EFNA5: variants seen among roughly 807,000 people sequenced by gnomAD.
EFNA5 encodes the protein ephrin-A5.
A neutral mutation model predicts 22.9 loss-of-function variants in EFNA5; 5 were observed. The observed-to-expected ratio is 0.22, with a 90% CI of 0.11 to 0.46. EFNA5 has a LOEUF of 0.46. Ranked by LOEUF, EFNA5 falls within the 20% of genes least tolerant of loss-of-function variation. EFNA5 has a pLI of 0.99. For missense variants in EFNA5, 237 were observed against 293.3 expected, an observed-to-expected ratio of 0.81 and a Z score of 1.40; for synonymous variants, 113 against 112.2, an observed-to-expected ratio of 1.01 and a Z score of -0.04.
intron 1 of EFNA5, among the ~76,000 whole-genome samples, chr5:107,628,075 A>G (rs775547506): frequency 6.6e-5 from 10 of 152,202 alleles, no homozygotes; most frequent in Non-Finnish European, 1.5e-4. Context: ...TTCACATATA[A>G]TAACTCAATG....
intron 1 of EFNA5, among the ~76,000 whole-genome samples, chr5:107,465,770 C>T (rs1192301937): frequency 6.6e-6 from 1 of 151,934 alleles, no homozygotes; most frequent in Non-Finnish European, 1.5e-5. Flanking sequence ...GCCATGGTGT[C>T]TTAGTATATC....
chr5:107,668,006 C>T (rs1386654400), intron 1 of EFNA5, among the ~76,000 whole-genome samples: 2 of 152,168 alleles, frequency 1.3e-5, no homozygotes, highest in African/African-American at 4.8e-5. Context: ...AGAGCAACAT[C>T]TTATTCAACA....
At position 107,637,640 on chromosome 5, in the gene EFNA5, T is replaced by C. The variant is rs572180971; in HGVS notation, c.125+32849A>G. ...AAATAAAAGATACATATAGTGTATG[T>C]GTGTGTGTATATATACATAAACTGA... On this transcript the variant is annotated intron_variant, in intron 1 of 4. Coordinates refer to ENST00000333274, the MANE Select transcript of EFNA5 (RefSeq NM_001962.3). 3.0e-3 allele frequency among the ~76,000 whole-genome samples: 450 copies of C among 150,194 alleles called. 2 individuals carry two copies. Among genetic ancestry groups the C allele is most frequent in the Non-Finnish European group, 5.0e-3 (340 of 67,620 alleles).
chr5:107,597,747 C>T (rs566164258), intron 1 of EFNA5, among the ~76,000 whole-genome samples: 1 of 152,170 alleles, frequency 6.6e-6, no homozygotes, highest in South Asian at 2.1e-4. Flanking sequence ...TTTCAACAGA[C>T]CGTGAACCAG....
At chr5:107,648,834 G>C (rs1750676474) in intron 1 of EFNA5, among the ~76,000 whole-genome samples, 1 of 152,050 alleles carries the variant, frequency 6.6e-6, no homozygotes, top group South Asian at 2.1e-4. Context: ...AGTCATGTTT[G>C]AAAGTAAAAA....
Position 107,380,264 on chromosome 5 carries a change from G to A in EFNA5, c.*991C>T, listed in dbSNP as rs1008184892. On this transcript the variant is annotated 3_prime_UTR_variant, in exon 5 of 5. Transcript: ENST00000333274. Reference sequence around the variant, plus strand: ...CACTGCGGTCCTCTCCTTGGTACATGTCATCCCCCAGAGGAGTATCCAAAG... The same window carrying A: ...CACTGCGGTCCTCTCCTTGGTACATATCATCCCCCAGAGGAGTATCCAAAG... The A allele has an allele frequency of 1.0e-4, 15 of 150,674 alleles. No individual in the cohort carries two copies. The highest frequency in any genetic ancestry group is 3.7e-4 in the African/African-American group (15 of 40,866). 9.3% of individuals were successfully genotyped at this position (150,674 alleles called of 1,614,324 possible).
At chr5:107,644,765 A>G (rs154190) in intron 1 of EFNA5, among the ~76,000 whole-genome samples, 113,723 of 152,064 alleles carry the variant, frequency 0.75, 42,768 homozygotes, top group African/African-American at 0.8. Context: ...GCAATGGTGC[A>G]ATCTCGGCTC....
chr5:107,547,787 G>GT (rs558588657), intron 1 of EFNA5, among the ~76,000 whole-genome samples: 2 of 152,034 alleles, frequency 1.3e-5, no homozygotes, highest in Non-Finnish European at 2.9e-5. Flanking sequence ...GTGTAATTGT[G>GT]TTTTTTTCCC....
chr5:107,542,109 T>A (rs1004784318), intron 1 of EFNA5, among the ~76,000 whole-genome samples: 4 of 152,290 alleles, frequency 2.6e-5, no homozygotes, highest in South Asian at 2.1e-4. Flanking sequence ...CTATTTCCCA[T>A]ATGCTGAAAG....
At chr5:107,556,293 A>C (rs1748413350) in intron 1 of EFNA5, among the ~76,000 whole-genome samples, 1 of 151,546 alleles carries the variant, frequency 6.6e-6, no homozygotes, top group African/African-American at 2.4e-5. Context: ...TGTTATATGT[A>C]CACATTCTTA....
At chr5:107,661,184 T>C (rs1025077477) in intron 1 of EFNA5, among the ~76,000 whole-genome samples, 4 of 151,912 alleles carry the variant, frequency 2.6e-5, no homozygotes, top group African/African-American at 9.7e-5. Context: ...GCAAACACTT[T>C]GCTGCAGCAG....
chr5:107,493,940 T>C (rs1434912031), intron 1 of EFNA5, among the ~76,000 whole-genome samples: 2 of 152,250 alleles, frequency 1.3e-5, no homozygotes, highest in Non-Finnish European at 2.9e-5. Context: ...GTGTGGAGGC[T>C]GAAACGGAAG....
intron 1 of EFNA5, among the ~76,000 whole-genome samples, chr5:107,555,848 G>A (rs1005809473): frequency 6.6e-6 from 1 of 152,152 alleles, no homozygotes; most frequent in Non-Finnish European, 1.5e-5. Context: ...TCACCCAGAA[G>A]GCTGAAAAAG....
At chr5:107,594,315 A>C (rs10037733) in intron 1 of EFNA5, among the ~76,000 whole-genome samples, 24,330 of 152,122 alleles carry the variant, frequency 0.16, 4,994 homozygotes, top group African/African-American at 0.48. Context: ...CTAAAGCTAC[A>C]CCAGGCTCAT....
intron 1 of EFNA5, among the ~76,000 whole-genome samples, chr5:107,622,796 T>C (rs1253521985): frequency 6.7e-6 from 1 of 148,160 alleles, no homozygotes; most frequent in Non-Finnish European, 1.5e-5. Flanking sequence ...CCGAGGCGGG[T>C]GGATCATGAG....
chr5:107,406,998 C>A (rs1748241934), intron 2 of EFNA5, among the ~76,000 whole-genome samples: 1 of 152,198 alleles, frequency 6.6e-6, no homozygotes, highest in South Asian at 2.1e-4. Flanking sequence ...TAAGTAGGTT[C>A]TTAAATCAGC....
intron 1 of EFNA5, among the ~76,000 whole-genome samples, chr5:107,565,699 A>T (rs1214129197): frequency 2.0e-5 from 3 of 152,332 alleles, no homozygotes; most frequent in South Asian, 4.1e-4. Context: ...GCCTGCAAGA[A>T]AACTTTTTCC....
At chr5:107,407,556 G>T (rs893432488) in intron 2 of EFNA5, among the ~76,000 whole-genome samples, 1 of 152,144 alleles carries the variant, frequency 6.6e-6, no homozygotes, top group African/African-American at 2.4e-5. Context: ...GAAAAGAGAA[G>T]TGTTCACTCA....
At chr5:107,640,954 T>TGGTAGGTA (rs55878264) in intron 1 of EFNA5, among the ~76,000 whole-genome samples, 4 of 149,248 alleles carry the variant, frequency 2.7e-5, no homozygotes, top group Admixed American at 6.7e-5. Context: ...TTTAGCAACC[T>TGGTAGGTA]GGTAGGTAGG....
Sources: allele counts gnomAD v4.1 joint callset (sites outside exome capture counted in the v4.1 genomes callset), GRCh38; gene constraint gnomAD v4.1.1; transcripts MANE v1.5; gene names NCBI Gene and HGNC (gene_info 2026-07-23, HGNC 2026-07-21).